Variants in CORO2B observed in about 807,000 individuals in gnomAD.
The protein encoded by CORO2B is coronin-2B.
In CORO2B, 26 loss-of-function variants were observed where a neutral mutation model predicts 58.8. The observed-to-expected ratio is 0.44, with a 90% CI of 0.32 to 0.61. The LOEUF (loss-of-function observed/expected upper bound fraction) is 0.61. Ranked by LOEUF, CORO2B falls within the 20% of genes least tolerant of loss-of-function variation. The pLI, the probability that CORO2B is intolerant of heterozygous loss-of-function variation, is 0.04. For missense variants in CORO2B, 460 were observed against 645.1 expected, an observed-to-expected ratio of 0.71 and a Z score of 3.11; for synonymous variants, 242 against 253.8, an observed-to-expected ratio of 0.95 and a Z score of 0.44.
At chr15:68,627,009 C>T (rs1900700870) in intron 1 of CORO2B, among the ~76,000 whole-genome samples, 1 of 152,180 alleles carries the variant, frequency 6.6e-6, no homozygotes. Context: ...GGTTCAGCTC[C>T]CAGTCCCACC....
intron 1 of CORO2B, among the ~76,000 whole-genome samples, chr15:68,608,615 C>T (rs1900179718): frequency 6.6e-6 from 1 of 152,192 alleles, no homozygotes; most frequent in Non-Finnish European, 1.5e-5. Context: ...GATGAGAGAC[C>T]TGTGGGTCAG....
At chr15:68,652,020 G>A (rs1350629196) in intron 2 of CORO2B, among the ~76,000 whole-genome samples, 1 of 152,182 alleles carries the variant, frequency 6.6e-6, no homozygotes, top group Non-Finnish European at 1.5e-5. Context: ...CTCTCAGCAG[G>A]TGGGTACAGC....
intron 1 of CORO2B, among the ~76,000 whole-genome samples, chr15:68,580,367 T>C (rs1595949409): frequency 7.0e-6 from 1 of 142,894 alleles, no homozygotes; most frequent in Non-Finnish European, 1.6e-5. Flanking sequence ...CAGCCCAGAG[T>C]GGGGTCAGAT....
chr15:68,601,959 C>T (rs889704476), intron 1 of CORO2B, among the ~76,000 whole-genome samples: 1 of 151,796 alleles, frequency 6.6e-6, no homozygotes, highest in Non-Finnish European at 1.5e-5. Flanking sequence ...ATCACTGTGT[C>T]CCAGCATGGC....
intron 1 of CORO2B, among the ~76,000 whole-genome samples, chr15:68,607,699 T>G (rs944131260): frequency 2.0e-5 from 3 of 151,820 alleles, no homozygotes; most frequent in Non-Finnish European, 4.4e-5. Context: ...GTGCTTGTGG[T>G]CCCAGCTACT....
At chr15:68,588,239 A>G (rs1899617185) in intron 1 of CORO2B, among the ~76,000 whole-genome samples, 1 of 152,190 alleles carries the variant, frequency 6.6e-6, no homozygotes, top group Non-Finnish European at 1.5e-5. Context: ...TCCTTATTTC[A>G]GAATTGATTC....
chr15:68,570,434 G>A, the CORO2B span, among the ~76,000 whole-genome samples: 4,274 of 152,264 alleles, frequency 0.028, 189 homozygotes, highest in African/African-American at 0.095. Flanking sequence ...TGAGTTAGGG[G>A]CTACTGTGGA....
intron 3 of CORO2B, among the ~76,000 whole-genome samples, chr15:68,697,770 C>T (rs954314517): frequency 4.6e-5 from 7 of 152,168 alleles, no homozygotes; most frequent in East Asian, 1.9e-4. Context: ...GAGAGTTCAC[C>T]GGTTGCTTCC....
intron 3 of CORO2B, among the ~76,000 whole-genome samples, chr15:68,705,372 A>T (rs1892757972): frequency 6.9e-6 from 1 of 145,232 alleles, no homozygotes; most frequent in Non-Finnish European, 1.5e-5. Context: ...CAGGGGATGG[A>T]GGTTTCAGTA....
the CORO2B span, among the ~76,000 whole-genome samples, chr15:68,543,911 C>A: frequency 6.6e-6 from 1 of 152,304 alleles, no homozygotes; most frequent in African/African-American, 2.4e-5. Flanking sequence ...ACAGGAAGCC[C>A]CGCCATGACT....
chr15:68,575,877 G>T (rs1899274104), upstream of CORO2B, among the ~76,000 whole-genome samples: 1 of 151,768 alleles, frequency 6.6e-6, no homozygotes, highest in Non-Finnish European at 1.5e-5. Flanking sequence ...TGTATTGGCT[G>T]GGTGTGGTGG....
At chr15:68,722,006 G>A (rs746815902) in intron 11 of CORO2B, among the ~76,000 whole-genome samples, 8 of 152,044 alleles carry the variant, frequency 5.3e-5, no homozygotes, top group East Asian at 1.9e-4. Context: ...TCCCACTTTC[G>A]CCTCCCAATG....
chr15:68,719,450 G>A lies in CORO2B; in HGVS notation c.1209G>A (p.Lys403=). 6.2e-7 allele frequency: 1 copy of A among 1,614,134 alleles called. No homozygotes were observed. The highest frequency in any genetic ancestry group is 8.5e-7 in the Non-Finnish European group (1 of 1,180,020). The change falls in exon 11 of 12, where the codon AAG becomes AAA. Residue 403 remains lysine (K), a synonymous_variant. Transcript: ENST00000261861. ...TGTCTTTGAAAGAAGGCTATAAGAA[G>A]TCCTCAAAAATGGTATTTAAGGCTC... is the stretch of plus-strand genomic sequence containing the variant. ...VLMSLKEGYK[K]SSKMVFKAPI...
chr15:68,605,815 C>T (rs1413278691), intron 1 of CORO2B, among the ~76,000 whole-genome samples: 1 of 150,486 alleles, frequency 6.6e-6, no homozygotes, highest in Non-Finnish European at 1.5e-5. Flanking sequence ...ACCTCCACCT[C>T]CCGGGTTCAA....
At chr15:68,653,755 ATT>A (rs35045606) in intron 2 of CORO2B, among the ~76,000 whole-genome samples, 46,142 of 151,478 alleles carry the variant, frequency 0.3, 7,181 homozygotes, top group East Asian at 0.45. Flanking sequence ...ATAAAATAAT[ATT>A]TTGTTTGCTT....
intron 2 of CORO2B, among the ~76,000 whole-genome samples, chr15:68,685,973 C>T (rs1329264627): frequency 6.6e-6 from 1 of 150,934 alleles, no homozygotes; most frequent in African/African-American, 2.4e-5. Flanking sequence ...TGAGCTGCCG[C>T]CGACCCCTTG....
intron 3 of CORO2B, among the ~76,000 whole-genome samples, chr15:68,708,947 C>A (rs1892848030): frequency 6.6e-6 from 1 of 152,210 alleles, no homozygotes; most frequent in Admixed American, 6.5e-5. Flanking sequence ...TCCCAAAATG[C>A]TAGGATTGCA....
chr15:68,635,511 C>T (rs1192565025), intron 1 of CORO2B, among the ~76,000 whole-genome samples: 1 of 152,200 alleles, frequency 6.6e-6, no homozygotes, highest in Non-Finnish European at 1.5e-5. Flanking sequence ...GCACCAGATT[C>T]TACCACCCCC....
At position 68,710,897 on chromosome 15, in the gene CORO2B, G is replaced by C. The variant is rs1483347284; in HGVS notation, c.483+16G>C. 6.3e-7 allele frequency: 1 copy of C among 1,582,706 alleles called. No homozygotes were observed. Among genetic ancestry groups the C allele is most frequent in the Admixed American group, 1.8e-5 (1 of 57,098 alleles). On this transcript the variant is annotated intron_variant, in intron 4 of 11. Transcript: ENST00000261861. The surrounding 1 kb of genome is among the most constrained non-coding windows in gnomAD (Gnocchi z 4.1). ...CGACTACAAGGTATGCAGTGGGCAG[G>C]CAGCTGGGTGGAGAGGGATTGGGGA...
Sources: gnomAD v4.1 joint callset for allele counts (sites outside exome capture counted in the v4.1 genomes callset) on GRCh38, gnomAD v4.1.1 for gene constraint, Gnocchi (gnomAD v3.1) non-coding constraint, MANE v1.5 for transcripts, NCBI Gene and HGNC (gene_info 2026-07-23, HGNC 2026-07-21) for gene names.